PDGFC: variants seen among roughly 807,000 people sequenced by gnomAD.
The protein encoded by PDGFC is platelet-derived growth factor C.
A neutral mutation model predicts 35.5 loss-of-function variants in PDGFC; 12 were observed. That is an observed-to-expected ratio of 0.34 (90% CI 0.22 to 0.55). The LOEUF (loss-of-function observed/expected upper bound fraction) is 0.55, where lower values mean the gene tolerates loss of function less well. Ranked by LOEUF, PDGFC falls within the 20% of genes least tolerant of loss-of-function variation. The pLI is 0.91. For missense variants in PDGFC, 322 were observed against 412.4 expected (o/e 0.78, Z 1.90); for synonymous variants, 159 against 148.8 (o/e 1.07, Z -0.50).
At chr4:156,798,179 G>A (rs1235928231) in intron 3 of PDGFC, among the ~76,000 whole-genome samples, 3 of 152,104 alleles carry the variant, frequency 2.0e-5, no homozygotes, top group African/African-American at 7.2e-5. Flanking sequence ...GCGACAGAGC[G>A]AGACTCCGTC....
chr4:156,839,979 TCTAAGCAG>T (rs1256103400), intron 2 of PDGFC, among the ~76,000 whole-genome samples: 2 of 152,240 alleles, frequency 1.3e-5, no homozygotes, highest in Admixed American at 1.3e-4. Context: ...GGAAAACATT[TCTAAGCAG>T]CAAAGCATTC....
chr4:156,824,312 A>ATG (rs1732367029), intron 2 of PDGFC, among the ~76,000 whole-genome samples: 2 of 70,640 alleles, frequency 2.8e-5, no homozygotes, highest in Non-Finnish European at 6.2e-5. Flanking sequence ...ATATATATAT[A>ATG]TATATATATA....
rs191090272 is a variant in PDGFC, at chr4:156,817,879, T to A, written c.315-6862A>T. 6.7e-3 allele frequency among the ~76,000 whole-genome samples: 1,018 copies of A among 151,706 alleles called. 5 individuals are homozygous for A. Among genetic ancestry groups the A allele is most frequent in the Non-Finnish European group, 1.0e-2 (676 of 67,928 alleles). ...TTCAAGACCAGCCTGGCCTACATGG[T>A]GAAACCCCATCTCTACTAAAAGTAC... On this transcript the variant is annotated intron_variant, in intron 2 of 5. Coordinates refer to ENST00000502773, the MANE Select transcript of PDGFC (RefSeq NM_016205.3).
intron 1 of PDGFC, among the ~76,000 whole-genome samples, chr4:156,932,156 A>G (rs1489028750): frequency 6.6e-6 from 1 of 152,148 alleles, no homozygotes; most frequent in Non-Finnish European, 1.5e-5. Context: ...ATTTCCTACA[A>G]TTTACACTTT....
At chr4:156,940,207 C>A (rs759262613) in intron 1 of PDGFC, among the ~76,000 whole-genome samples, 1 of 152,032 alleles carries the variant, frequency 6.6e-6, no homozygotes, top group Non-Finnish European at 1.5e-5. Context: ...CAAGATCAGC[C>A]TTTCCTTCCT....
rs188901777 is a variant in PDGFC, at chr4:156,960,431, A to G, written c.118+10355T>C. On this transcript the variant is annotated intron_variant, in intron 1 of 5. Transcript: ENST00000502773. ...CCTCATGGCATACTAGTGTTCTTATAACTTTAGATGCAGACATATATACAC... is the reference window on the plus strand; with the variant it reads ...CCTCATGGCATACTAGTGTTCTTATGACTTTAGATGCAGACATATATACAC... Among the ~76,000 whole-genome samples, 20 of 151,244 alleles carry G rather than the reference A, an allele frequency of 1.3e-4. 1 individual carries two copies. The highest frequency in any genetic ancestry group is 1.3e-3 in the Admixed American group (19 of 15,164).
intron 1 of PDGFC, among the ~76,000 whole-genome samples, chr4:156,881,404 C>T (rs1205919406): frequency 6.6e-6 from 1 of 152,048 alleles, no homozygotes; most frequent in African/African-American, 2.4e-5. Context: ...CTGTGTGACT[C>T]CCTGATATGG....
chr4:156,870,168 G>T (rs567286302), intron 1 of PDGFC, among the ~76,000 whole-genome samples: 5 of 152,180 alleles, frequency 3.3e-5, no homozygotes, highest in Non-Finnish European at 7.4e-5. Flanking sequence ...CCACTTAACC[G>T]AAGTGATTCA....
intron 1 of PDGFC, among the ~76,000 whole-genome samples, chr4:156,935,725 C>T (rs1341751555): frequency 6.6e-6 from 1 of 152,174 alleles, no homozygotes; most frequent in Non-Finnish European, 1.5e-5. Context: ...CAGGAACTCG[C>T]AGGAACCTAA....
chr4:156,913,083 C>A (rs1482549732), intron 1 of PDGFC, among the ~76,000 whole-genome samples: 1 of 152,052 alleles, frequency 6.6e-6, no homozygotes, highest in African/African-American at 2.4e-5. Flanking sequence ...AAGTTGGTCT[C>A]TTGTTACCCC....
intron 1 of PDGFC, among the ~76,000 whole-genome samples, chr4:156,915,709 C>A (rs771591111): frequency 7.1e-4 from 108 of 152,034 alleles, no homozygotes; most frequent in Non-Finnish European, 1.3e-3. Flanking sequence ...AGAAGAATCC[C>A]GGCAGAGGTT....
intron 5 of PDGFC, among the ~76,000 whole-genome samples, chr4:156,763,741 T>C (rs6833341): frequency 0.31 from 47,835 of 152,062 alleles, 8,747 homozygotes; most frequent in South Asian, 0.55. Flanking sequence ...CTCTATAAAC[T>C]TGATGAGATG....
At chr4:156,900,581 CT>C (rs1304910558) in intron 1 of PDGFC, among the ~76,000 whole-genome samples, 1 of 152,120 alleles carries the variant, frequency 6.6e-6, no homozygotes, top group Non-Finnish European at 1.5e-5. Flanking sequence ...TGGCTCACAC[CT>C]GTAATCCCAG....
chr4:156,787,383 T>G (rs1731157290), intron 3 of PDGFC, among the ~76,000 whole-genome samples: 1 of 152,132 alleles, frequency 6.6e-6, no homozygotes, highest in African/African-American at 2.4e-5. Flanking sequence ...TCCACTGAAT[T>G]TAGCAATACG....
intron 1 of PDGFC, among the ~76,000 whole-genome samples, chr4:156,950,027 T>C (rs921283819): frequency 6.6e-6 from 1 of 151,920 alleles, no homozygotes; most frequent in Non-Finnish European, 1.5e-5. Flanking sequence ...CTAGGCTATA[T>C]ATGCTATCAG....
chr4:156,820,976 T>A (rs977659664), intron 2 of PDGFC, among the ~76,000 whole-genome samples: 2 of 152,136 alleles, frequency 1.3e-5, no homozygotes, highest in African/African-American at 4.8e-5. Flanking sequence ...AGTAACAGAA[T>A]AAGATAAAAA....
chr4:156,865,224 A>G (rs974284870), intron 1 of PDGFC, among the ~76,000 whole-genome samples: 3 of 150,920 alleles, frequency 2.0e-5, no homozygotes, highest in Admixed American at 2.0e-4. Context: ...GCAGATACAA[A>G]CACATACACA....
chr4:156,811,065 C>G (rs1310417072), intron 2 of PDGFC, 48 bp from the exon 3 acceptor site: 1 of 1,288,042 alleles, frequency 7.8e-7, no homozygotes, highest in Non-Finnish European at 1.1e-6. Context: ...ATCTGTTATT[C>G]TGGCAATTAC....
At position 156,971,262 on chromosome 4, in the gene PDGFC, G is replaced by C; in HGVS notation, c.-359C>G. On this transcript the variant is annotated 5_prime_UTR_variant, in exon 1 of 6. Transcript: ENST00000502773. Reference sequence around the variant, plus strand: ...CGAGAAGTCCCCAGCAAGTTGCTGGGAGCACCTGTCAGTTCGGGGGACAGG... The same window carrying C: ...CGAGAAGTCCCCAGCAAGTTGCTGGCAGCACCTGTCAGTTCGGGGGACAGG... The C allele has an allele frequency of 2.3e-6, 1 of 432,680 alleles. No homozygotes were observed. The highest frequency in any genetic ancestry group is 4.1e-6 in the Non-Finnish European group (1 of 244,892). 26.8% of individuals were successfully genotyped at this position (432,680 alleles called of 1,614,324 possible). A position where few individuals can be genotyped will look rare whatever the true frequency, so the allele number is the denominator to read the frequency against.
Sources: allele counts gnomAD v4.1 joint callset (sites outside exome capture counted in the v4.1 genomes callset), GRCh38; gene constraint gnomAD v4.1.1; transcripts MANE v1.5; gene names NCBI Gene and HGNC (gene_info 2026-07-23, HGNC 2026-07-21).